Variants in PTPRN2 observed in about 807,000 individuals in gnomAD.
PTPRN2 encodes the protein receptor-type tyrosine-protein phosphatase N2.
Under a neutral mutation model 118.8 loss-of-function variants are expected in PTPRN2, and 74 were observed. That is an observed-to-expected ratio of 0.62 (90% CI 0.52 to 0.76). The LOEUF (loss-of-function observed/expected upper bound fraction) is 0.76. Ranked by LOEUF, PTPRN2 falls within the 30% of genes least tolerant of loss-of-function variation. The pLI is 0.00. For synonymous variants in PTPRN2, 641 were observed against 608.0 expected, an observed-to-expected ratio of 1.05 and a Z score of -0.80; for missense variants, 1,481 against 1,394.4, an observed-to-expected ratio of 1.06 and a Z score of -0.99.
chr7:157,950,378 T>C (rs1800731639), intron 11 of PTPRN2, among the ~76,000 whole-genome samples: 1 of 152,104 alleles, frequency 6.6e-6, no homozygotes, highest in Admixed American at 6.5e-5. Flanking sequence ...AGATGCATAA[T>C]GGGTTATTTT....
intron 4 of PTPRN2, among the ~76,000 whole-genome samples, chr7:158,197,495 A>T (rs573383526): frequency 6.6e-6 from 1 of 152,204 alleles, no homozygotes; most frequent in African/African-American, 2.4e-5. Context: ...CTTATAAAAA[A>T]AATCCCATTT....
chr7:158,533,437 C>T (rs1825398481), intron 1 of PTPRN2, among the ~76,000 whole-genome samples: 1 of 152,226 alleles, frequency 6.6e-6, no homozygotes, highest in South Asian at 2.1e-4. Flanking sequence ...AAGGAGATCG[C>T]ACCTTTGCCT....
At chr7:158,188,517 G>C (rs1383551059) in intron 5 of PTPRN2, among the ~76,000 whole-genome samples, 1 of 51,608 alleles carries the variant, frequency 1.9e-5, no homozygotes, top group Non-Finnish European at 3.6e-5. Context: ...GATGGGGAAG[G>C]CCGCCACGCT....
intron 12 of PTPRN2, among the ~76,000 whole-genome samples, chr7:157,805,221 T>C (rs1451733116): frequency 6.6e-6 from 1 of 152,196 alleles, no homozygotes; most frequent in African/African-American, 2.4e-5. Context: ...TCTTATACTG[T>C]GCATTTGAAA....
intron 6 of PTPRN2, among the ~76,000 whole-genome samples, chr7:158,154,985 G>A (rs181159179): frequency 2.2e-4 from 34 of 152,296 alleles, no homozygotes; most frequent in East Asian, 7.7e-4. Context: ...GAAGAAGGGC[G>A]GCAGCACAGA....
chr7:158,262,338 C>A (rs1177216098), intron 3 of PTPRN2, among the ~76,000 whole-genome samples: 1 of 149,342 alleles, frequency 6.7e-6, no homozygotes, highest in African/African-American at 2.5e-5. Flanking sequence ...ACACACTGCA[C>A]ACATATTCAC....
At chr7:157,637,836 T>C (rs1305808494) in intron 14 of PTPRN2, among the ~76,000 whole-genome samples, 2 of 152,244 alleles carry the variant, frequency 1.3e-5, no homozygotes, top group African/African-American at 4.8e-5. Context: ...GCATTCTCTA[T>C]TCTGTGCCAA....
At chr7:158,406,135 C>T (rs1291550787) in intron 2 of PTPRN2, among the ~76,000 whole-genome samples, 1 of 107,816 alleles carries the variant, frequency 9.3e-6, no homozygotes, top group Non-Finnish European at 2.0e-5. Context: ...ATCCGTGAGA[C>T]ACGTGGCCGC....
intron 3 of PTPRN2, among the ~76,000 whole-genome samples, chr7:158,218,903 C>G (rs1828146790): frequency 6.6e-6 from 1 of 152,152 alleles, no homozygotes; most frequent in Non-Finnish European, 1.5e-5. Flanking sequence ...AATATTTATG[C>G]ACCCAACATT....
intron 9 of PTPRN2, among the ~76,000 whole-genome samples, chr7:158,131,045 TACATAC>T (rs977788393): frequency 4.5e-5 from 3 of 66,118 alleles, no homozygotes; most frequent in Non-Finnish European, 6.1e-5. Context: ...TACACACACG[TACATAC>T]AGACACCTGC....
chr7:158,519,171 T>C lies in PTPRN2; in HGVS notation c.113-29386A>G, dbSNP rs531157425. On this transcript the variant is annotated intron_variant, in intron 1 of 22. Coordinates refer to ENST00000389418, the MANE Select transcript of PTPRN2 (RefSeq NM_002847.5). ...TCGTCACTGTTTCCAAGAACTTCCT[T>C]GGCTGAAAAGTCATTTCAAACTTTG... Among the ~76,000 whole-genome samples, 4 of 152,228 alleles carry C rather than the reference T, an allele frequency of 2.6e-5. No individual in the cohort carries two copies. The South Asian group carries it at 8.3e-4, about 32-fold the overall frequency.
At chr7:158,026,075 GC>G (rs1382160672) in intron 11 of PTPRN2, among the ~76,000 whole-genome samples, 2 of 152,262 alleles carry the variant, frequency 1.3e-5, no homozygotes, top group Non-Finnish European at 2.9e-5. Flanking sequence ...CCCATGCCGG[GC>G]CCCGTCGAGG....
chr7:157,820,809 A>G (rs1038476100), intron 12 of PTPRN2, among the ~76,000 whole-genome samples: 7 of 152,254 alleles, frequency 4.6e-5, no homozygotes, highest in African/African-American at 1.7e-4. Flanking sequence ...CTTATTCTCT[A>G]CATGCCAGGA....
intron 6 of PTPRN2, among the ~76,000 whole-genome samples, chr7:158,157,709 G>A (rs1431377707): frequency 6.6e-6 from 1 of 152,178 alleles, no homozygotes; most frequent in Non-Finnish European, 1.5e-5. Flanking sequence ...AAGGTGCAGT[G>A]AGACGAACCC....
intron 12 of PTPRN2, among the ~76,000 whole-genome samples, chr7:157,701,993 G>A (rs566024783): frequency 2.1e-5 from 3 of 146,326 alleles, no homozygotes; most frequent in East Asian, 2.0e-4. Flanking sequence ...TAAGAGAGCC[G>A]GGTAGGTGCT....
At chr7:157,737,979 T>C (rs1800400843) in intron 12 of PTPRN2, among the ~76,000 whole-genome samples, 1 of 152,238 alleles carries the variant, frequency 6.6e-6, no homozygotes. Context: ...GAGAGGGCTC[T>C]GCCACTCACC....
intron 4 of PTPRN2, among the ~76,000 whole-genome samples, chr7:158,204,065 T>A (rs1826900655): frequency 6.6e-6 from 1 of 150,484 alleles, no homozygotes; most frequent in Non-Finnish European, 1.5e-5. Context: ...GCCCCTGCCC[T>A]CAGCGAGCGC....
chr7:158,544,593 G>A lies in PTPRN2; in HGVS notation c.112+42965C>T, dbSNP rs983207360. Among the ~76,000 whole-genome samples the A allele has an allele frequency of 7.3e-5, 11 of 151,390 alleles. No individual in the cohort carries two copies. Among genetic ancestry groups the A allele is most frequent in the Non-Finnish European group, 1.0e-4 (7 of 67,946 alleles). ...GTGGAGGTTGCAGTGAGCCAAGATC[G>A]CACCATTGTACTCCAGCCTGGGCAA... On this transcript the variant is annotated intron_variant, in intron 1 of 22. Transcript: ENST00000389418. The surrounding 1 kb of genome is among the most constrained non-coding windows in gnomAD (Gnocchi z 4.2).
intron 17 of PTPRN2, among the ~76,000 whole-genome samples, chr7:157,582,282 T>C (rs1187214738): frequency 6.6e-6 from 1 of 152,186 alleles, no homozygotes; most frequent in African/African-American, 2.4e-5. Flanking sequence ...TTTTGAGTGC[T>C]AAGTATTTAA....
Sources: gnomAD v4.1 joint callset for allele counts (sites outside exome capture counted in the v4.1 genomes callset) on GRCh38, gnomAD v4.1.1 for gene constraint, Gnocchi (gnomAD v3.1) non-coding constraint, MANE v1.5 for transcripts, NCBI Gene and HGNC (gene_info 2026-07-23, HGNC 2026-07-21) for gene names.